The following FRMD4A variants were observed in gnomAD, a reference collection of about 807,000 sequenced individuals.
FRMD4A encodes the protein FERM domain containing 4A.
Under a neutral mutation model 129.1 loss-of-function variants are expected in FRMD4A, and 29 were observed. The ratio of observed to expected loss-of-function variants is 0.22; its 90% confidence interval spans 0.17 to 0.31. The LOEUF is 0.31. FRMD4A is among the 10% of genes least tolerant of loss of function. The pLI, the probability that FRMD4A is intolerant of heterozygous loss-of-function variation, is 1.00. For missense variants in FRMD4A, 1,272 were observed against 1,375.8 expected (o/e 0.92, Z 1.19); for synonymous variants, 634 against 571.6 (o/e 1.11, Z -1.56).
chr10:13,986,687 A>AG (rs201768880), intron 2 of FRMD4A, among the ~76,000 whole-genome samples: 30 of 131,458 alleles, frequency 2.3e-4, no homozygotes, highest in Non-Finnish European at 3.6e-4. Context: ...AATAAATATA[A>AG]GGAAAAAAAA....
intron 2 of FRMD4A, among the ~76,000 whole-genome samples, chr10:14,232,414 C>T (rs1843668291): frequency 6.6e-6 from 1 of 152,146 alleles, no homozygotes; most frequent in African/African-American, 2.4e-5. Context: ...GCTATTTGGG[C>T]TCCTTTTTGG....
At chr10:13,991,236 T>G (rs1055893513) in intron 2 of FRMD4A, among the ~76,000 whole-genome samples, 4 of 152,132 alleles carry the variant, frequency 2.6e-5, no homozygotes, top group African/African-American at 7.2e-5. Flanking sequence ...AAGCGTAGAG[T>G]GAAAAGGACA....
intron 2 of FRMD4A, among the ~76,000 whole-genome samples, chr10:14,313,112 G>A (rs1315046674): frequency 6.6e-6 from 1 of 151,874 alleles, no homozygotes; most frequent in South Asian, 2.1e-4. Context: ...CAATATTTTG[G>A]GAGGCTGACA....
intron 4 of FRMD4A, among the ~76,000 whole-genome samples, chr10:13,807,122 A>G (rs1409638107): frequency 6.6e-6 from 1 of 152,172 alleles, no homozygotes; most frequent in African/African-American, 2.4e-5. Flanking sequence ...TTATTTTAAC[A>G]TTGGATTTAT....
At chr10:14,016,086 T>G (rs1462687576) in intron 2 of FRMD4A, among the ~76,000 whole-genome samples, 2 of 152,174 alleles carry the variant, frequency 1.3e-5, no homozygotes, top group Admixed American at 6.6e-5. Context: ...TGATGAGGCG[T>G]CTGTGGTGAA....
At chr10:14,094,425 A>G (rs1408269350) in intron 2 of FRMD4A, among the ~76,000 whole-genome samples, 1 of 152,200 alleles carries the variant, frequency 6.6e-6, no homozygotes, top group Non-Finnish European at 1.5e-5. Flanking sequence ...ATGTGCCGCT[A>G]TCCTGCTATC....
chr10:13,736,534 C>T (rs1263300239), intron 12 of FRMD4A, among the ~76,000 whole-genome samples: 1 of 152,250 alleles, frequency 6.6e-6, no homozygotes, highest in Non-Finnish European at 1.5e-5. Context: ...AACCACCTTA[C>T]TGATCAATGG....
At chr10:14,004,060 G>T (rs2095652570) in intron 2 of FRMD4A, among the ~76,000 whole-genome samples, 1 of 152,344 alleles carries the variant, frequency 6.6e-6, no homozygotes, top group South Asian at 2.1e-4. Context: ...TGAGTTACTT[G>T]GGATTCACGT....
At chr10:14,105,297 G>A (rs142527299) in intron 2 of FRMD4A, among the ~76,000 whole-genome samples, 143 of 152,264 alleles carry the variant, frequency 9.4e-4, no homozygotes, top group South Asian at 4.4e-3. Context: ...TGGGCATGGC[G>A]CATCATGCCT....
intron 2 of FRMD4A, among the ~76,000 whole-genome samples, chr10:14,144,095 G>T (rs142427955): frequency 6.6e-6 from 1 of 152,116 alleles, no homozygotes; most frequent in Non-Finnish European, 1.5e-5. Context: ...TGCACATGAC[G>T]GGAAGGAATG....
At chr10:14,266,251 T>C (rs1238027439) in intron 2 of FRMD4A, among the ~76,000 whole-genome samples, 1 of 152,026 alleles carries the variant, frequency 6.6e-6, no homozygotes, top group Non-Finnish European at 1.5e-5. Flanking sequence ...TGCCCCCGAA[T>C]TGTGACAACC....
chr10:14,129,457 G>A (rs2131825535), intron 2 of FRMD4A, among the ~76,000 whole-genome samples: 1 of 141,348 alleles, frequency 7.1e-6, no homozygotes, highest in East Asian at 2.1e-4. Context: ...TTAGAAACGA[G>A]CTTAAGATCA....
chr10:14,148,817 G>A (rs1483085725), intron 2 of FRMD4A, among the ~76,000 whole-genome samples: 1 of 151,914 alleles, frequency 6.6e-6, no homozygotes, highest in Non-Finnish European at 1.5e-5. Context: ...CCTGTTTCCA[G>A]GAGGACTTAC....
chr10:14,117,046 G>C (rs1838233468), intron 2 of FRMD4A, among the ~76,000 whole-genome samples: 3 of 152,234 alleles, frequency 2.0e-5, no homozygotes, highest in Non-Finnish European at 4.4e-5. Flanking sequence ...CTTGCACTGA[G>C]GCCCTGCCTC....
At position 13,714,059 on chromosome 10, in the gene FRMD4A, T is replaced by TATATATATATATATATAA. The variant is rs1207471495; in HGVS notation, c.760-6947_760-6946insTTATATATATATATATAT. 2.7e-3 allele frequency among the ~76,000 whole-genome samples: 271 copies of TATATATATATATATATAA among 101,286 alleles called. 20 individuals carry two copies. The highest frequency in any genetic ancestry group is 3.5e-3 in the Non-Finnish European group (172 of 49,450). 66.4% of individuals were successfully genotyped at this position (101,286 alleles called of 152,430 possible). Reference sequence around the variant, plus strand: ...ATATATATATATATATATATATATATAAAATATACTTTTTTTTTGAGACAC... The same window carrying TATATATATATATATATAA: ...ATATATATATATATATATATATATATATATATATATATATATAAAAAATATACTTTTTTTTTGAGACAC... On this transcript the variant is annotated intron_variant, in intron 12 of 24. Coordinates refer to ENST00000357447, the MANE Select transcript of FRMD4A (RefSeq NM_018027.5).
intron 2 of FRMD4A, among the ~76,000 whole-genome samples, chr10:14,095,421 T>G (rs533399527): frequency 6.6e-6 from 1 of 152,224 alleles, no homozygotes; most frequent in Non-Finnish European, 1.5e-5. Flanking sequence ...ACTCACTGAT[T>G]TGATGCCATT....
intron 6 of FRMD4A, among the ~76,000 whole-genome samples, chr10:13,766,901 C>G (rs543822633): frequency 6.6e-5 from 10 of 152,110 alleles, no homozygotes; most frequent in Non-Finnish European, 1.2e-4. Flanking sequence ...GGTGAAACCC[C>G]GTCTCTACTA....
intron 2 of FRMD4A, among the ~76,000 whole-genome samples, chr10:14,141,244 A>G (rs1589062289): frequency 6.6e-6 from 1 of 152,298 alleles, no homozygotes; most frequent in East Asian, 1.9e-4. Context: ...ACAAATATCT[A>G]CAGGGCACCC....
At chr10:14,108,930 C>T (rs994905893) in intron 2 of FRMD4A, among the ~76,000 whole-genome samples, 2 of 152,170 alleles carry the variant, frequency 1.3e-5, no homozygotes, top group African/African-American at 4.8e-5. Context: ...GAGACCTTCC[C>T]AGATCTTTGT....
Sources: gnomAD v4.1 joint callset for allele counts (sites outside exome capture counted in the v4.1 genomes callset) on GRCh38, gnomAD v4.1.1 for gene constraint, MANE v1.5 for transcripts, NCBI Gene and HGNC (gene_info 2026-07-23, HGNC 2026-07-21) for gene names.